The following TMEM19 variants were observed in gnomAD, a reference collection of about 807,000 sequenced individuals.
TMEM19 encodes transmembrane protein 19.
TMEM19 carries 21 observed loss-of-function variants against 33.6 expected under a neutral mutation model. The ratio of observed to expected loss-of-function variants is 0.62; its 90% CI spans 0.44 to 0.90. The LOEUF is 0.90. Ranked by LOEUF, TMEM19 falls within the 40% of genes least tolerant of loss-of-function variation. The pLI, the probability that TMEM19 is intolerant of heterozygous loss-of-function variation, is 0.00. For synonymous variants in TMEM19, 149 were observed against 147.5 expected, an observed-to-expected ratio of 1.01 and a Z score of -0.07; for missense variants, 402 against 401.8, an observed-to-expected ratio of 1.00 and a Z score of 0.00.
chr12:71,698,451 G>C (rs1439239668), intron 4 of TMEM19, among the ~76,000 whole-genome samples: 1 of 152,154 alleles, frequency 6.6e-6, no homozygotes, highest in Non-Finnish European at 1.5e-5. Context: ...AAGAGTAGCA[G>C]AATTGGGCCT....
At position 71,686,748 on chromosome 12, in the gene TMEM19, G is replaced by A. The variant is rs1881696615; in HGVS notation, c.68G>A (p.Ser23Asn). ...IKMITNIVIL[S>N]LIICISLAFW... ...ATGATAACTAATATAGTTATACTGA[G>A]CCTGATCATTTGCATTTCGTTAGCT... Residue 23 changes from serine (S) to asparagine (N), a missense_variant, in exon 1 of 6, where the codon AGC (serine) becomes AAC (asparagine). Transcript: ENST00000266673. 6.2e-7 allele frequency: 1 copy of A among 1,612,546 alleles called. No individual in the cohort carries two copies.
chr12:71,691,794 T>C (rs1881791027), intron 2 of TMEM19, among the ~76,000 whole-genome samples: 3 of 151,876 alleles, frequency 2.0e-5, no homozygotes, highest in Non-Finnish European at 4.4e-5. Flanking sequence ...ATTATTCTTA[T>C]AGAAAAAAAG....
At chr12:71,698,384 T>A (rs1290352182) in intron 4 of TMEM19, among the ~76,000 whole-genome samples, 1 of 152,198 alleles carries the variant, frequency 6.6e-6, no homozygotes, top group South Asian at 2.1e-4. Flanking sequence ...TATTTATATC[T>A]TATAAAGAAA....
Position 71,701,037 on chromosome 12 carries a change from T to C in TMEM19, c.*42T>C, listed in dbSNP as rs1186848239. 1 of 1,500,040 alleles carries C rather than the reference T, an allele frequency of 6.7e-7. No homozygotes were observed. The highest frequency in any genetic ancestry group is 2.2e-5 in the Admixed American group (1 of 45,032). The allele number at this position is 1,500,040 out of a possible 1,614,324, so 92.9% of individuals were successfully genotyped here. A position where few individuals can be genotyped will look rare whatever the true frequency, so the allele number is the denominator to read the frequency against. On this transcript the variant is annotated 3_prime_UTR_variant, in exon 6 of 6. Transcript: ENST00000266673. The stretch of plus-strand genomic sequence containing the variant: ...ACAGGTTGAAACTGGTGAGTCCAGC[T>C]AAATTTGCAATTCCAACTTTCATCC...
intron 1 of TMEM19, among the ~76,000 whole-genome samples, chr12:71,687,814 A>G (rs1565849565): frequency 6.6e-6 from 1 of 152,236 alleles, no homozygotes; most frequent in Non-Finnish European, 1.5e-5. Flanking sequence ...CTCCTATGAA[A>G]ACAAAATACT....
chr12:71,700,899 A>C lies in TMEM19; in HGVS notation c.915A>C (p.Lys305Asn). ...PTNKARHIAG[K>N]PILDNNAVNL... ...ATAAGGCAAGGCACATAGCAGGGAA[A>C]CCCATTCTTGATAACAACGCAGTGA... The change falls in exon 6 of 6, where the codon AAA (lysine) becomes AAC (asparagine). Residue 305 changes from lysine to asparagine, a missense_variant. Physicochemically the swap from Lys to Asn is moderately conservative, Grantham distance 94 (BLOSUM62 0). Coordinates refer to ENST00000266673, the MANE Select transcript of TMEM19 (RefSeq NM_018279.4). 3 of 1,613,714 alleles carry C rather than the reference A, an allele frequency of 1.9e-6. No homozygotes were observed. The highest frequency in any genetic ancestry group is 2.5e-6 in the Non-Finnish European group (3 of 1,179,836).
chr12:71,698,754 G>A (rs1881924891), intron 4 of TMEM19, 146 bp from the exon 5 acceptor site: 1 of 701,992 alleles, frequency 1.4e-6, no homozygotes. Flanking sequence ...AGAAAATACT[G>A]TTTTCTAAAA....
chr12:71,696,516 A>G lies in TMEM19; in HGVS notation c.325A>G (p.Lys109Glu), dbSNP rs1881873448. 1 of 1,612,854 alleles carries G rather than the reference A, an allele frequency of 6.2e-7. No individual in the cohort carries two copies. Among genetic ancestry groups the G allele is most frequent in the Admixed American group, 1.7e-5 (1 of 59,966 alleles). ...GCTGATGTTTTTCTTGTCTTCTTCG[A>G]AACTCACTAAATGGAAGGGAGAAGT... The part of the protein sequence containing the change: ...SLLMFFLSSS[K>E]LTKWKGEVKK... Residue 109 changes from lysine (K) to glutamate (E), a missense_variant, in exon 3 of 6, where the codon AAA becomes GAA. Coordinates refer to ENST00000266673, the MANE Select transcript of TMEM19 (RefSeq NM_018279.4).
Position 71,701,050 on chromosome 12 carries a change from C to A in TMEM19, c.*55C>A. The A allele has an allele frequency of 6.8e-7, 1 of 1,467,102 alleles. No individual in the cohort carries two copies. The highest frequency in any genetic ancestry group is 1.5e-5 in the South Asian group (1 of 68,916). The allele number at this position is 1,467,102 out of a possible 1,614,324, so 90.9% of individuals were successfully genotyped here. A position where few individuals can be genotyped will look rare whatever the true frequency, so the allele number is the denominator to read the frequency against. Reference sequence around the variant, plus strand: ...GGTGAGTCCAGCTAAATTTGCAATTCCAACTTTCATCCTAAGAATAATAAC... The same window carrying A: ...GGTGAGTCCAGCTAAATTTGCAATTACAACTTTCATCCTAAGAATAATAAC... On this transcript the variant is annotated 3_prime_UTR_variant, in exon 6 of 6. Transcript: ENST00000266673.
In TMEM19 at chr12:71,691,326, T is replaced by C. The variant is rs184579815; in HGVS notation, c.244+1622T>C. ...ATAATCAATAAGTATTAGGAGTGGT[T>C]ATATTTTATCTATTTAACAAATGCT... On this transcript the variant is annotated intron_variant, in intron 2 of 5. Coordinates refer to ENST00000266673, the MANE Select transcript of TMEM19 (RefSeq NM_018279.4). Among the ~76,000 whole-genome samples the C allele has an allele frequency of 3.5e-4, 54 of 152,298 alleles. No individual in the cohort carries two copies. The East Asian group carries it at 9.0e-3, about 26-fold the overall frequency.
At chr12:71,695,333 A>G (rs1443384653) in intron 2 of TMEM19, among the ~76,000 whole-genome samples, 4 of 152,188 alleles carry the variant, frequency 2.6e-5, no homozygotes, top group African/African-American at 9.7e-5. Context: ...CATTTGTAAC[A>G]TCTCAGTGTA....
chr12:71,696,735 CT>C (rs1394491438), intron 3 of TMEM19, among the ~76,000 whole-genome samples, 162 bp downstream of exon 3: 2 of 151,882 alleles, frequency 1.3e-5, no homozygotes, highest in Non-Finnish European at 2.9e-5. Context: ...TAAGCTCCGC[CT>C]CCCGGGTTCA....
chr12:71,692,169 T>G (rs1386032156), intron 2 of TMEM19, among the ~76,000 whole-genome samples: 1 of 152,246 alleles, frequency 6.6e-6, no homozygotes, highest in Non-Finnish European at 1.5e-5. Context: ...TGTTAGTGAT[T>G]ATGTAGTTTC....
intron 4 of TMEM19, 119 bp from the exon 5 acceptor site, chr12:71,698,781 T>C: frequency 1.2e-6 from 1 of 833,102 alleles, no homozygotes; most frequent in Non-Finnish European, 1.9e-6. Context: ...AGTCTTTAGA[T>C]TGCATTAAAG....
At chr12:71,700,764 AAG>A in intron 5 of TMEM19, 66 bp from the exon 6 acceptor site, 7 of 1,418,690 alleles carry the variant, frequency 4.9e-6, no homozygotes, top group East Asian at 2.4e-5. Flanking sequence ...AAAAAAAAAA[AAG>A]AAAGAAAAGA....
intron 1 of TMEM19, 39 bp from the exon 2 acceptor site, chr12:71,689,552 A>G: frequency 6.5e-7 from 1 of 1,550,092 alleles, no homozygotes; most frequent in Non-Finnish European, 8.9e-7. Flanking sequence ...ACCTGTGCAA[A>G]CTTCACACAA....
chr12:71,699,251 C>A, intron 5 of TMEM19, 142 bp downstream of exon 5: 1 of 849,494 alleles, frequency 1.2e-6, no homozygotes, highest in Non-Finnish European at 1.8e-6. Context: ...GTCTCTTTCA[C>A]AATTTTGGTT....
At chr12:71,699,510 G>C in intron 5 of TMEM19, 1 of 249,262 alleles carries the variant, frequency 4.0e-6, no homozygotes, top group Non-Finnish European at 7.7e-6. Context: ...TCTTACTGTG[G>C]TATCATGCTT....
At chr12:71,696,237 G>T (rs1451267085) in intron 2 of TMEM19, among the ~76,000 whole-genome samples, 199 bp from the exon 3 acceptor site, 1 of 152,078 alleles carries the variant, frequency 6.6e-6, no homozygotes, top group Non-Finnish European at 1.5e-5. Flanking sequence ...CTTGAAAGGA[G>T]ATTAAAATAT....
Sources: allele counts gnomAD v4.1 joint callset (sites outside exome capture counted in the v4.1 genomes callset), GRCh38; gene constraint gnomAD v4.1.1; transcripts MANE v1.5; gene names NCBI Gene and HGNC (gene_info 2026-07-23, HGNC 2026-07-21).